The following TAF8 variants were observed in gnomAD, a reference collection of about 807,000 sequenced individuals.
The protein encoded by TAF8 is transcription initiation factor TFIID subunit 8.
TAF8 carries 47 observed loss-of-function variants against 36.5 expected under a neutral mutation model. That is an observed-to-expected ratio of 1.29 (90% CI 1.02 to 1.64). TAF8 has a LOEUF of 1.64. Ranked by LOEUF, TAF8 falls within the 40% of genes most tolerant of loss-of-function variation. TAF8 has a pLI of 0.00. For missense variants in TAF8, 420 were observed against 407.6 expected (o/e 1.03, Z -0.26); for synonymous variants, 175 against 159.5 (o/e 1.10, Z -0.73).
chr6:42,057,020 A>G (rs1447992712), intron 4 of TAF8, among the ~76,000 whole-genome samples: 4 of 152,148 alleles, frequency 2.6e-5, no homozygotes, highest in Non-Finnish European at 5.9e-5. Flanking sequence ...TTAAGCTCAC[A>G]CTTAATGTCC....
chr6:42,077,139 C>G lies in TAF8; in HGVS notation c.820C>G (p.Gln274Glu). The change falls in exon 8 of 9, where the codon CAG becomes GAG. Residue 274 changes from glutamine (Q) to glutamate (E), a missense_variant. Gln to Glu is a conservative substitution (Grantham distance 29, BLOSUM62 2). Coordinates refer to ENST00000372977, the MANE Select transcript of TAF8 (RefSeq NM_138572.3). ...GAEKENTSVL[Q>E]QNPSLSGSRN... The stretch of plus-strand genomic sequence containing the variant: ...CGAGAAGGAGAACACCTCTGTCCTG[C>G]AGCAGAACCCCTCCTTGTCGGGTAG... 6.2e-7 allele frequency: 1 copy of G among 1,614,172 alleles called. No individual in the cohort carries two copies. Among genetic ancestry groups the G allele is most frequent in the Non-Finnish European group, 8.5e-7 (1 of 1,179,998 alleles).
chr6:42,070,798 A>G (rs1232127766), intron 7 of TAF8, among the ~76,000 whole-genome samples: 1 of 152,168 alleles, frequency 6.6e-6, no homozygotes, highest in Non-Finnish European at 1.5e-5. Context: ...GATACAGGAG[A>G]GAAAGAAAAG....
chr6:42,077,017 A>C, intron 7 of TAF8, 83 bp from the exon 8 acceptor site: 1 of 1,477,822 alleles, frequency 6.8e-7, no homozygotes, highest in Non-Finnish European at 9.1e-7. Context: ...CAATTAGAGG[A>C]TGCTAATGGT....
chr6:42,052,328 C>CT (rs771808677), intron 2 of TAF8, among the ~76,000 whole-genome samples: 152 of 101,486 alleles, frequency 1.5e-3, no homozygotes, highest in African/African-American at 2.5e-3. Flanking sequence ...CCCCCCCCCC[C>CT]TTTTTTTTTT....
chr6:42,068,307 C>T (rs1036507179), intron 6 of TAF8, among the ~76,000 whole-genome samples, 158 bp from the exon 7 acceptor site: 5 of 152,108 alleles, frequency 3.3e-5, no homozygotes, highest in African/African-American at 7.2e-5. Flanking sequence ...GAGTAAAGCC[C>T]GTAGAACATT....
At chr6:42,055,496 T>G in intron 2 of TAF8, 35 bp from the exon 3 acceptor site, 5 of 1,420,906 alleles carry the variant, frequency 3.5e-6, no homozygotes, top group Non-Finnish European at 5.0e-6. Context: ...TCTGAGGAAC[T>G]GAGAATAAGT....
At chr6:42,086,061 G>A (rs955099909), downstream of TAF8, among the ~76,000 whole-genome samples, 1 of 152,228 alleles carries the variant, frequency 6.6e-6, no homozygotes, top group Non-Finnish European at 1.5e-5. Flanking sequence ...AGAGCCAGAC[G>A]CCGAATCAGC....
intron 5 of TAF8, among the ~76,000 whole-genome samples, chr6:42,058,791 AGCAAG>A (rs985409216): frequency 1.6e-4 from 25 of 152,186 alleles, no homozygotes; most frequent in African/African-American, 5.8e-4. Flanking sequence ...GAAGTCTAAA[AGCAAG>A]GTGTCATGCT....
At chr6:42,071,476 C>T (rs1310008700) in intron 7 of TAF8, 3 of 165,526 alleles carry the variant, frequency 1.8e-5, no homozygotes, top group South Asian at 1.1e-4. Context: ...CAGGTACGCA[C>T]CACCACGCCC....
At chr6:42,052,939 AGTAGAT>A (rs1182741666) in intron 2 of TAF8, among the ~76,000 whole-genome samples, 1 of 152,192 alleles carries the variant, frequency 6.6e-6, no homozygotes, top group Middle Eastern at 3.2e-3. Context: ...TTGATCAAAC[AGTAGAT>A]GTGGGCTACC....
At chr6:42,070,453 C>G (rs1765526889) in intron 7 of TAF8, among the ~76,000 whole-genome samples, 1 of 152,344 alleles carries the variant, frequency 6.6e-6, no homozygotes, top group Non-Finnish European at 1.5e-5. Flanking sequence ...GATCGCGCCA[C>G]TGCACTCCAG....
Position 42,050,600 on chromosome 6 carries a change from G to A in TAF8, c.45+14G>A, listed in dbSNP as rs1320224753. ...GGCTCCGGAACGGTAAGGGCAGGAA[G>A]CGCGGGCTCGGAGCCGAGAGAGTTT... On this transcript the variant is annotated intron_variant, in intron 1 of 8. Coordinates refer to ENST00000372977, the MANE Select transcript of TAF8 (RefSeq NM_138572.3). 17 of 1,547,282 alleles carry A rather than the reference G, an allele frequency of 1.1e-5. No homozygotes were observed. The highest frequency in any genetic ancestry group is 1.5e-5 in the Non-Finnish European group (17 of 1,146,792).
chr6:42,050,762 A>T (rs1582206953), intron 1 of TAF8, 176 bp downstream of exon 1: 2 of 961,668 alleles, frequency 2.1e-6, no homozygotes, highest in Non-Finnish European at 2.9e-6. Flanking sequence ...CGGCCTCCGG[A>T]GTTGGCGGAC....
intron 2 of TAF8, among the ~76,000 whole-genome samples, chr6:42,052,887 T>C (rs974891447): frequency 3.3e-5 from 5 of 152,162 alleles, no homozygotes; most frequent in Admixed American, 3.3e-4. Context: ...TGGAGCATTA[T>C]TGCCCATCAA....
In TAF8 at chr6:42,057,373, T is replaced by A; in HGVS notation, c.365-16T>A. On this transcript the variant is annotated splice_polypyrimidine_tract_variant and intron_variant, in intron 4 of 8. Coordinates refer to ENST00000372977, the MANE Select transcript of TAF8 (RefSeq NM_138572.3). Reference sequence around the variant, plus strand: ...GGTCTTGGGTGGAGGGGTAATCAGTTGTGACTCTGTTGCAGCTCCGGTGAC... The same window carrying A: ...GGTCTTGGGTGGAGGGGTAATCAGTAGTGACTCTGTTGCAGCTCCGGTGAC... The A allele has an allele frequency of 6.2e-7, 1 of 1,613,936 alleles. No homozygotes were observed. Among genetic ancestry groups the A allele is most frequent in the Non-Finnish European group, 8.5e-7 (1 of 1,179,992 alleles).
At chr6:42,083,429 C>G (rs1765976368), downstream of TAF8, among the ~76,000 whole-genome samples, 1 of 152,216 alleles carries the variant, frequency 6.6e-6, no homozygotes, top group Admixed American at 6.5e-5. Context: ...TGAATCTGGA[C>G]AGATGTTGCC....
Position 42,080,533 on chromosome 6 carries a change from C to A in TAF8, c.*2988C>A. The A allele has an allele frequency of 2.1e-6, 1 of 477,206 alleles. No homozygotes were observed. 29.6% of individuals were successfully genotyped at this position (477,206 alleles called of 1,614,324 possible). On this transcript the variant is annotated 3_prime_UTR_variant, in exon 9 of 9. Transcript: ENST00000372977. ...GATTACAGGCACCTACCACAATTCT[C>A]GGCTAATTTTTTTTGTATTTTTGGT...
At position 42,079,911 on chromosome 6, in the gene TAF8, T is replaced by C; in HGVS notation, c.*2366T>C. The C allele has an allele frequency of 1.0e-6, 1 of 985,184 alleles. No individual in the cohort carries two copies. The highest frequency in any genetic ancestry group is 1.7e-5 in the African/African-American group (1 of 57,260). 61.0% of individuals were successfully genotyped at this position (985,184 alleles called of 1,614,324 possible). A position where few individuals can be genotyped will look rare whatever the true frequency, so the allele number is the denominator to read the frequency against. On this transcript the variant is annotated 3_prime_UTR_variant, in exon 9 of 9. Coordinates refer to ENST00000372977, the MANE Select transcript of TAF8 (RefSeq NM_138572.3). ...TGGAAACTTGAAAAACTTGGGGACTTGACAGCAGGCTCCATGTTCTTCTGG... is the reference window on the plus strand; with the variant it reads ...TGGAAACTTGAAAAACTTGGGGACTCGACAGCAGGCTCCATGTTCTTCTGG...
chr6:42,070,835 G>A (rs113935393), intron 7 of TAF8, among the ~76,000 whole-genome samples: 3 of 152,326 alleles, frequency 2.0e-5, no homozygotes, highest in African/African-American at 7.2e-5. Flanking sequence ...TTTGGTAGAC[G>A]AGAGGGGATG....
Sources: allele counts gnomAD v4.1 joint callset (sites outside exome capture counted in the v4.1 genomes callset), GRCh38; gene constraint gnomAD v4.1.1; transcripts MANE v1.5; gene names NCBI Gene and HGNC (gene_info 2026-07-23, HGNC 2026-07-21).